Variants in GALNT13 observed in about 807,000 individuals in gnomAD.
GALNT13 encodes the protein polypeptide N-acetylgalactosaminyltransferase 13, also known as UDP-GalNAc:polypeptide N-acetylgalactosaminyltransferase 13.
A neutral mutation model predicts 64.2 loss-of-function variants in GALNT13; 28 were observed. The ratio of observed to expected loss-of-function variants is 0.44; its 90% CI spans 0.32 to 0.60. The LOEUF (loss-of-function observed/expected upper bound fraction) is 0.60. Among genes scored for constraint, GALNT13 ranks in the 20% least tolerant of loss-of-function variants. The pLI, the probability that GALNT13 is intolerant of heterozygous loss-of-function variation, is 0.05. For missense variants in GALNT13, 577 were observed against 669.8 expected (o/e 0.86, Z 1.53); for synonymous variants, 214 against 224.6 (o/e 0.95, Z 0.42).
At chr2:153,727,493 C>CT in the GALNT13 span, among the ~76,000 whole-genome samples, 2 of 152,116 alleles carry the variant, frequency 1.3e-5, no homozygotes, top group African/African-American at 4.8e-5. Flanking sequence ...AGTAGATCTG[C>CT]TGTATCATAC....
At chr2:154,329,613 A>G (rs1695060966) in intron 9 of GALNT13, among the ~76,000 whole-genome samples, 1 of 151,858 alleles carries the variant, frequency 6.6e-6, no homozygotes, top group Non-Finnish European at 1.5e-5. Flanking sequence ...TATAGTTGGG[A>G]TGTTTGTCCC....
intron 2 of GALNT13, among the ~76,000 whole-genome samples, chr2:153,933,575 C>G (rs879523428): frequency 4.6e-5 from 7 of 151,992 alleles, no homozygotes; most frequent in Non-Finnish European, 7.4e-5. Flanking sequence ...GGATGTTTAG[C>G]CTCTTTATGT....
intron 3 of GALNT13, among the ~76,000 whole-genome samples, chr2:154,104,467 C>T (rs1189847154): frequency 2.0e-5 from 3 of 152,280 alleles, no homozygotes; most frequent in South Asian, 2.1e-4. Context: ...TCATGCCAGC[C>T]TCCAGAGGGA....
intron 9 of GALNT13, among the ~76,000 whole-genome samples, chr2:154,395,401 TGTTA>T (rs1308996265): frequency 6.6e-6 from 1 of 152,186 alleles, no homozygotes; most frequent in Non-Finnish European, 1.5e-5. Flanking sequence ...TTCATTTGTT[TGTTA>T]GTTTCTTTAC....
At chr2:153,757,887 C>T in the GALNT13 span, among the ~76,000 whole-genome samples, 1 of 152,038 alleles carries the variant, frequency 6.6e-6, no homozygotes, top group East Asian at 1.9e-4. Flanking sequence ...AATATTAACT[C>T]CTTATTAGAT....
chr2:153,196,585 G>A, the GALNT13 span, among the ~76,000 whole-genome samples: 1 of 152,004 alleles, frequency 6.6e-6, no homozygotes, highest in Non-Finnish European at 1.5e-5. Flanking sequence ...CCTGCACCTG[G>A]GAGGCTGGAG....
At chr2:153,893,416 G>A (rs1171608227) in intron 1 of GALNT13, among the ~76,000 whole-genome samples, 1 of 151,788 alleles carries the variant, frequency 6.6e-6, no homozygotes, top group Non-Finnish European at 1.5e-5. Flanking sequence ...ATTATAACAT[G>A]ATATGTATTT....
intron 9 of GALNT13, among the ~76,000 whole-genome samples, chr2:154,334,529 C>T (rs1695336725): frequency 6.6e-6 from 1 of 152,012 alleles, no homozygotes; most frequent in Non-Finnish European, 1.5e-5. Flanking sequence ...ACCTCCACTA[C>T]ATCAAAACAG....
intron 4 of GALNT13, among the ~76,000 whole-genome samples, chr2:154,206,482 C>T (rs1687461072): frequency 6.6e-6 from 1 of 151,738 alleles, no homozygotes; most frequent in Admixed American, 6.6e-5. Flanking sequence ...GGTTTGGAAT[C>T]ACAGTTATCT....
intron 3 of GALNT13, among the ~76,000 whole-genome samples, chr2:154,104,091 C>T (rs763270467): frequency 3.9e-5 from 6 of 151,992 alleles, no homozygotes; most frequent in Admixed American, 1.3e-4. Flanking sequence ...TGGGTGCAGA[C>T]GGACACATGA....
the GALNT13 span, among the ~76,000 whole-genome samples, chr2:153,261,144 G>A: frequency 6.6e-6 from 1 of 152,024 alleles, no homozygotes; most frequent in African/African-American, 2.4e-5. Flanking sequence ...CCCCCAAAGA[G>A]CTATTTTGAA....
chr2:153,555,199 T>TCA, the GALNT13 span, among the ~76,000 whole-genome samples: 47 of 100,428 alleles, frequency 4.7e-4, no homozygotes, highest in South Asian at 1.2e-3. Flanking sequence ...ACTTTTTTTT[T>TCA]TTTTTTTTTT....
At chr2:153,106,071 AG>A in the GALNT13 span, among the ~76,000 whole-genome samples, 2 of 152,126 alleles carry the variant, frequency 1.3e-5, no homozygotes, top group African/African-American at 4.8e-5. Context: ...GATGCTTTCT[AG>A]GCACCCCACA....
intron 9 of GALNT13, among the ~76,000 whole-genome samples, chr2:154,382,787 G>GT (rs11307476): frequency 0.12 from 17,770 of 149,680 alleles, 1,078 homozygotes; most frequent in Non-Finnish European, 0.14. Context: ...CTCTTAAAAC[G>GT]TTTTTTTTTT....
At chr2:153,439,016 G>A in the GALNT13 span, among the ~76,000 whole-genome samples, 1 of 152,102 alleles carries the variant, frequency 6.6e-6, no homozygotes, top group Admixed American at 6.6e-5. Flanking sequence ...TGTCCTTTCT[G>A]TTTGTTAGTT....
the GALNT13 span, among the ~76,000 whole-genome samples, chr2:153,818,723 G>A: frequency 1.3e-5 from 2 of 152,198 alleles, no homozygotes; most frequent in Non-Finnish European, 2.9e-5. Flanking sequence ...GCAGCCACCA[G>A]TCTCTATTGG....
At chr2:154,441,621 C>G (rs528389718) in intron 12 of GALNT13, 1 of 152,240 alleles carries the variant, frequency 6.6e-6, no homozygotes, top group African/African-American at 2.4e-5. Flanking sequence ...GCTATCAGTA[C>G]AATTGTGAAT....
the GALNT13 span, among the ~76,000 whole-genome samples, chr2:153,250,463 G>A: frequency 6.6e-6 from 1 of 152,210 alleles, no homozygotes; most frequent in Non-Finnish European, 1.5e-5. Context: ...TATTGTGGAA[G>A]ACAGTATGGT....
the GALNT13 span, among the ~76,000 whole-genome samples, chr2:153,668,643 C>T: frequency 4.6e-5 from 7 of 152,116 alleles, no homozygotes; most frequent in African/African-American, 1.7e-4. Flanking sequence ...CACAGGGCTA[C>T]TGTGCCCTAG....
Sources: allele counts gnomAD v4.1 joint callset (sites outside exome capture counted in the v4.1 genomes callset), GRCh38; gene constraint gnomAD v4.1.1; transcripts MANE v1.5; gene names NCBI Gene and HGNC (gene_info 2026-07-23, HGNC 2026-07-21).